The following CHRM3 variants were observed in gnomAD, a reference collection of about 807,000 sequenced individuals.
CHRM3 encodes the protein cholinergic receptor muscarinic 3.
CHRM3 carries 11 observed loss-of-function variants against 41.8 expected under a neutral mutation model. That is an observed-to-expected ratio of 0.26 (90% CI 0.17 to 0.44). The LOEUF (loss-of-function observed/expected upper bound fraction) is 0.44. Among genes scored for constraint, CHRM3 ranks in the 20% least tolerant of loss-of-function variants. The probability of loss-of-function intolerance (pLI) is 1.00; values close to 1 mark genes in which losing one functional copy is unlikely to be tolerated. For missense variants in CHRM3, 571 were observed against 745.4 expected (o/e 0.77, Z 2.72); for synonymous variants, 297 against 301.4 (o/e 0.99, Z 0.15).
intron 4 of CHRM3, among the ~76,000 whole-genome samples, chr1:239,669,546 T>C (rs889166695): frequency 3.3e-5 from 5 of 152,154 alleles, no homozygotes; most frequent in Admixed American, 2.6e-4. Context: ...CCTCAAATTT[T>C]TCAGGTCTTG....
intron 2 of CHRM3, among the ~76,000 whole-genome samples, chr1:239,501,587 G>T (rs1668241993): frequency 6.6e-6 from 1 of 152,158 alleles, no homozygotes; most frequent in Non-Finnish European, 1.5e-5. Context: ...TGGGCGTGGT[G>T]GCTCATGCCT....
At chr1:239,497,122 C>T (rs761957307) in intron 2 of CHRM3, among the ~76,000 whole-genome samples, 1 of 152,048 alleles carries the variant, frequency 6.6e-6, no homozygotes, top group Admixed American at 6.6e-5. Context: ...TTTGGAAGAT[C>T]GTTGCTGGTG....
chr1:239,685,835 A>C (rs911624120), intron 5 of CHRM3, among the ~76,000 whole-genome samples: 15 of 152,072 alleles, frequency 9.9e-5, no homozygotes, highest in African/African-American at 2.4e-5. Flanking sequence ...ACAAACAAAC[A>C]AACAAAAAAT....
At chr1:239,741,042 G>A (rs1439662745) in intron 5 of CHRM3, among the ~76,000 whole-genome samples, 2 of 152,030 alleles carry the variant, frequency 1.3e-5, no homozygotes, top group African/African-American at 4.8e-5. Context: ...TGTTCTGTAA[G>A]TCTCAGAGGG....
chr1:239,529,095 C>G (rs1325595188), intron 2 of CHRM3, among the ~76,000 whole-genome samples: 1 of 152,004 alleles, frequency 6.6e-6, no homozygotes, highest in Non-Finnish European at 1.5e-5. Context: ...TGGAGTGGTT[C>G]TGAAATGGTT....
chr1:239,743,330 C>T (rs1438104572), intron 5 of CHRM3, among the ~76,000 whole-genome samples: 1 of 152,156 alleles, frequency 6.6e-6, no homozygotes, highest in Non-Finnish European at 1.5e-5. Context: ...CTCTCTCAGA[C>T]AAGGGACATG....
intron 5 of CHRM3, among the ~76,000 whole-genome samples, chr1:239,817,046 AG>A (rs1289872511): frequency 6.6e-6 from 1 of 152,172 alleles, no homozygotes; most frequent in East Asian, 1.9e-4. Flanking sequence ...TCAATAAACT[AG>A]GGATGATATT....
At chr1:239,657,319 TG>T (rs1672802633) in intron 4 of CHRM3, among the ~76,000 whole-genome samples, 1 of 152,206 alleles carries the variant, frequency 6.6e-6, no homozygotes, top group Non-Finnish European at 1.5e-5. Context: ...TAAGTAACCT[TG>T]TTGAGGAAAA....
At chr1:239,511,640 A>G (rs1246739745) in intron 2 of CHRM3, among the ~76,000 whole-genome samples, 1 of 152,238 alleles carries the variant, frequency 6.6e-6, no homozygotes, top group East Asian at 1.9e-4. Flanking sequence ...GGACAAAATT[A>G]TATAAAGAGA....
chr1:239,406,935 A>G (rs1363837607), intron 1 of CHRM3, among the ~76,000 whole-genome samples: 1 of 152,192 alleles, frequency 6.6e-6, no homozygotes, highest in Non-Finnish European at 1.5e-5. Context: ...AAGAAGCCAA[A>G]TCTTTTTGGA....
chr1:239,887,982 C>G (rs894412194), intron 6 of CHRM3, among the ~76,000 whole-genome samples: 1 of 152,140 alleles, frequency 6.6e-6, no homozygotes, highest in Non-Finnish European at 1.5e-5. Context: ...TATAAAAGGC[C>G]TTTACTTTCA....
chr1:239,692,069 A>G (rs1050334311), intron 5 of CHRM3, among the ~76,000 whole-genome samples: 2 of 152,158 alleles, frequency 1.3e-5, no homozygotes, highest in African/African-American at 4.8e-5. Context: ...TCCTTCCTCC[A>G]TATCTAAGAA....
intron 5 of CHRM3, among the ~76,000 whole-genome samples, chr1:239,685,868 A>T (rs2149119281): frequency 6.6e-6 from 1 of 152,006 alleles, no homozygotes; most frequent in African/African-American, 2.4e-5. Context: ...CAAACAAAAA[A>T]AACTGTGTTC....
intron 3 of CHRM3, among the ~76,000 whole-genome samples, chr1:239,563,383 T>C (rs1661061093): frequency 6.6e-6 from 1 of 152,158 alleles, no homozygotes; most frequent in Non-Finnish European, 1.5e-5. Context: ...AATGTAATAG[T>C]GATTTATCAG....
intron 4 of CHRM3, among the ~76,000 whole-genome samples, chr1:239,646,875 T>C (rs1671784913): frequency 1.3e-5 from 2 of 152,260 alleles, no homozygotes; most frequent in African/African-American, 2.4e-5. Flanking sequence ...ATGTGGAAAT[T>C]GACTGAAGGT....
chr1:239,542,093 C>T (rs1226614759), intron 2 of CHRM3, among the ~76,000 whole-genome samples: 1 of 151,966 alleles, frequency 6.6e-6, no homozygotes, highest in East Asian at 1.9e-4. Flanking sequence ...CTGTCTTCCC[C>T]CGGAGATTAT....
chr1:239,726,710 G>A (rs562804158), intron 5 of CHRM3, among the ~76,000 whole-genome samples: 12 of 151,768 alleles, frequency 7.9e-5, no homozygotes, highest in South Asian at 2.1e-4. Flanking sequence ...CTTAACAACC[G>A]CTGGCTTAGC....
In CHRM3 at chr1:239,766,672, TATATAGATATAGATATAGATATAG is replaced by T. The variant is rs71166890; in HGVS notation, c.-146-60556_-146-60533del. ...TATAGATGATAGATATGGATATAGA[TATATAGATATAGATATAGATATAG>T]ATATAGATATAGATATAGATATAAT... is the stretch of plus-strand genomic sequence containing the variant. On this transcript the variant is annotated intron_variant, in intron 5 of 6. Transcript: ENST00000676153. 8.2e-5 allele frequency among the ~76,000 whole-genome samples: 12 copies of T among 145,632 alleles called. 1 individual carries two copies. The highest frequency in any genetic ancestry group is 2.2e-4 in the South Asian group (1 of 4,576).
intron 5 of CHRM3, among the ~76,000 whole-genome samples, chr1:239,823,235 C>A (rs1435167233): frequency 6.6e-6 from 1 of 152,144 alleles, no homozygotes; most frequent in Non-Finnish European, 1.5e-5. Flanking sequence ...AAGGTAATAT[C>A]CCTCAGGAAA....
Sources: gnomAD v4.1 joint callset for allele counts (sites outside exome capture counted in the v4.1 genomes callset) on GRCh38, gnomAD v4.1.1 for gene constraint, MANE v1.5 for transcripts, NCBI Gene and HGNC (gene_info 2026-07-23, HGNC 2026-07-21) for gene names.